The following DLGAP2 variants were observed in gnomAD, a reference collection of about 807,000 sequenced individuals.
DLGAP2 encodes the protein disks large-associated protein 2.
In DLGAP2, 26 loss-of-function variants were observed where a neutral mutation model predicts 100.3. That is an observed-to-expected ratio of 0.26 (90% confidence interval 0.19 to 0.36). The LOEUF is 0.36. Ranked by LOEUF, DLGAP2 falls within the 10% of genes least tolerant of loss-of-function variation. The pLI is 1.00. For synonymous variants in DLGAP2, 886 were observed against 630.1 expected, an observed-to-expected ratio of 1.41 and a Z score of -6.08; for missense variants, 1,858 against 1,453.2, an observed-to-expected ratio of 1.28 and a Z score of -4.53.
At chr8:974,236 C>G (rs890692023) in intron 2 of DLGAP2, among the ~76,000 whole-genome samples, 1 of 152,022 alleles carries the variant, frequency 6.6e-6, no homozygotes. Context: ...TATAGAAAAT[C>G]AAAGATGAAA....
intron 2 of DLGAP2, among the ~76,000 whole-genome samples, chr8:932,974 T>C (rs570417666): frequency 3.9e-5 from 6 of 152,326 alleles, no homozygotes; most frequent in Non-Finnish European, 5.9e-5. Flanking sequence ...ATAAACAATA[T>C]TGGAAATATA....
At chr8:1,458,908 G>C (rs1213632562) in intron 3 of DLGAP2, among the ~76,000 whole-genome samples, 3 of 152,224 alleles carry the variant, frequency 2.0e-5, no homozygotes, top group Admixed American at 2.0e-4. Context: ...TGGCCACTCA[G>C]CATCTTTCCC....
At chr8:1,326,729 C>T (rs1450449010) in intron 3 of DLGAP2, among the ~76,000 whole-genome samples, 6 of 152,218 alleles carry the variant, frequency 3.9e-5, no homozygotes, top group Non-Finnish European at 1.5e-5. Flanking sequence ...CATGCTTGAA[C>T]CTTAGTTTCT....
intron 1 of DLGAP2, among the ~76,000 whole-genome samples, chr8:752,566 G>T (rs981254424): frequency 5.3e-5 from 8 of 152,218 alleles, no homozygotes; most frequent in African/African-American, 1.9e-4. Context: ...TGTGGAGTCA[G>T]AAGGAGGGGA....
intron 1 of DLGAP2, among the ~76,000 whole-genome samples, chr8:765,130 T>C (rs969519142): frequency 6.6e-6 from 1 of 152,214 alleles, no homozygotes; most frequent in South Asian, 2.1e-4. Context: ...GGTGCCCGTC[T>C]CCACGCCCAG....
intron 3 of DLGAP2, among the ~76,000 whole-genome samples, chr8:1,498,631 C>T (rs1279281635): frequency 3.3e-5 from 5 of 152,146 alleles, no homozygotes; most frequent in Admixed American, 2.6e-4. Context: ...TCAGCACATA[C>T]GTTAAGCACA....
At chr8:1,229,593 C>T (rs1798491704) in intron 2 of DLGAP2, among the ~76,000 whole-genome samples, 1 of 151,924 alleles carries the variant, frequency 6.6e-6, no homozygotes, top group Non-Finnish European at 1.5e-5. Flanking sequence ...TCTGATTGTG[C>T]TTATTGATGA....
At chr8:1,571,008 G>A (rs1214763524) in intron 6 of DLGAP2, among the ~76,000 whole-genome samples, 5 of 144,844 alleles carry the variant, frequency 3.5e-5, no homozygotes, top group Admixed American at 2.7e-4. Context: ...AAGAGAGAGC[G>A]GTGAACTGGA....
chr8:1,659,358 C>A (rs1412431883), intron 8 of DLGAP2, among the ~76,000 whole-genome samples: 1 of 152,076 alleles, frequency 6.6e-6, no homozygotes, highest in African/African-American at 2.4e-5. Flanking sequence ...TCTATTAGGT[C>A]CACTTGGTCC....
chr8:1,124,942 G>A (rs1047880681), intron 2 of DLGAP2, among the ~76,000 whole-genome samples: 7 of 152,230 alleles, frequency 4.6e-5, no homozygotes, highest in Admixed American at 6.5e-5. Flanking sequence ...AGGAGGCATC[G>A]TCCCCCTCAT....
chr8:1,053,031 G>A (rs1452165693), intron 2 of DLGAP2, among the ~76,000 whole-genome samples: 6 of 152,172 alleles, frequency 3.9e-5, no homozygotes, highest in Admixed American at 3.3e-4. Flanking sequence ...GTTGCTGTAG[G>A]ATGTTCAGCT....
chr8:892,549 G>A (rs981140273), intron 1 of DLGAP2, among the ~76,000 whole-genome samples: 31 of 152,218 alleles, frequency 2.0e-4, no homozygotes, highest in African/African-American at 3.9e-4. Flanking sequence ...TGGGGAGGGG[G>A]CGTGGGAGGA....
chr8:1,320,574 G>T (rs1050946344), intron 3 of DLGAP2, among the ~76,000 whole-genome samples: 3 of 152,184 alleles, frequency 2.0e-5, no homozygotes, highest in African/African-American at 4.8e-5. Context: ...AGCTCAGCCT[G>T]GTGCTTCATG....
At chr8:1,244,576 G>C (rs1215305605) in intron 2 of DLGAP2, among the ~76,000 whole-genome samples, 2 of 148,950 alleles carry the variant, frequency 1.3e-5, no homozygotes, top group South Asian at 4.4e-4. Context: ...TGGTATTGGG[G>C]CAACTGGACA....
intron 6 of DLGAP2, among the ~76,000 whole-genome samples, chr8:1,594,033 G>A (rs1311955095): frequency 6.6e-6 from 1 of 152,172 alleles, no homozygotes; most frequent in African/African-American, 2.4e-5. Flanking sequence ...ATGCGATGGT[G>A]TTCTTCCCTG....
intron 4 of DLGAP2, among the ~76,000 whole-genome samples, chr8:1,506,446 G>A (rs749881572): frequency 1.3e-5 from 2 of 152,128 alleles, no homozygotes; most frequent in African/African-American, 2.4e-5. Flanking sequence ...CTTCCTTCTG[G>A]TCGGTTTGTG....
intron 3 of DLGAP2, among the ~76,000 whole-genome samples, chr8:1,456,292 C>T (rs531423164): frequency 4.9e-4 from 75 of 152,346 alleles, no homozygotes; most frequent in African/African-American, 1.7e-3. Context: ...AATGTTTCTA[C>T]ACACACGCTT....
chr8:1,192,217 G>A (rs1428130968), intron 2 of DLGAP2, among the ~76,000 whole-genome samples: 1 of 152,202 alleles, frequency 6.6e-6, no homozygotes, highest in African/African-American at 2.4e-5. Context: ...ACCACAGCCA[G>A]GGCCATGAAG....
intron 10 of DLGAP2, among the ~76,000 whole-genome samples, chr8:1,670,728 C>T (rs550666714): frequency 2.0e-5 from 3 of 152,254 alleles, no homozygotes; most frequent in South Asian, 2.1e-4. Flanking sequence ...TTCTGTGCAT[C>T]CTGTGAGCTG....
Sources: allele counts gnomAD v4.1 joint callset (sites outside exome capture counted in the v4.1 genomes callset), GRCh38; gene constraint gnomAD v4.1.1; transcripts MANE v1.5; gene names NCBI Gene and HGNC (gene_info 2026-07-23, HGNC 2026-07-21).